RWDD1: variants seen among roughly 807,000 people sequenced by gnomAD.
RWDD1 encodes RWD domain containing 1.
Under a neutral mutation model 31.6 loss-of-function variants are expected in RWDD1, and 17 were observed. The ratio of observed to expected loss-of-function variants is 0.54; its 90% CI spans 0.37 to 0.81. The LOEUF is 0.81. RWDD1 is among the 30% of genes least tolerant of loss of function. RWDD1 has a pLI of 0.00. For synonymous variants in RWDD1, 78 were observed against 94.2 expected, an observed-to-expected ratio of 0.83 and a Z score of 0.99; for missense variants, 204 against 274.5, an observed-to-expected ratio of 0.74 and a Z score of 1.82.
intron 3 of RWDD1, among the ~76,000 whole-genome samples, chr6:116,587,325 G>A (rs1263844298): frequency 3.3e-5 from 5 of 152,138 alleles, no homozygotes; most frequent in Admixed American, 3.3e-4. Flanking sequence ...GCTGAGAGCT[G>A]TAGGAAGAGT....
At chr6:116,591,937 A>G (rs1775152028) in intron 6 of RWDD1, among the ~76,000 whole-genome samples, 1 of 152,192 alleles carries the variant, frequency 6.6e-6, no homozygotes, top group Non-Finnish European at 1.5e-5. Flanking sequence ...AAAGTTTTTG[A>G]TACCTTTTCC....
intron 3 of RWDD1, among the ~76,000 whole-genome samples, chr6:116,588,231 A>G (rs1562379501): frequency 6.6e-6 from 1 of 152,178 alleles, no homozygotes; most frequent in Non-Finnish European, 1.5e-5. Flanking sequence ...ATGCCTAGTA[A>G]TCTCTGCTTC....
At chr6:116,574,709 CTTTT>C (rs1774806000) in intron 1 of RWDD1, among the ~76,000 whole-genome samples, 1 of 150,244 alleles carries the variant, frequency 6.7e-6, no homozygotes, top group African/African-American at 2.5e-5. Flanking sequence ...TTCTTTCTTT[CTTTT>C]TTTCTTTCTC....
chr6:116,575,669 T>C (rs866282997), intron 1 of RWDD1, among the ~76,000 whole-genome samples: 19 of 152,228 alleles, frequency 1.2e-4, no homozygotes, highest in Admixed American at 2.6e-4. Flanking sequence ...AACATTGGTT[T>C]TTAAAAAGGT....
At position 116,593,219 on chromosome 6, in the gene RWDD1, TC is replaced by T; in HGVS notation, c.*119del. 3 of 972,370 alleles carry T rather than the reference TC, an allele frequency of 3.1e-6. No homozygotes were observed. Among genetic ancestry groups the T allele is most frequent in the Non-Finnish European group, 4.3e-6 (3 of 695,194 alleles). 60.2% of individuals were successfully genotyped at this position (972,370 alleles called of 1,614,324 possible). ...AAAATTATTTTCAGGAGAATATTCTTCTGATAGCTTTCATCATTGAACTTAA... is the reference window on the plus strand; with the variant it reads ...AAAATTATTTTCAGGAGAATATTCTTTGATAGCTTTCATCATTGAACTTAA... On this transcript the variant is annotated 3_prime_UTR_variant, in exon 7 of 7. Transcript: ENST00000466444.
rs1483345803 is a variant in RWDD1, at chr6:116,593,675, G to A, written c.*574G>A. 1.3e-5 allele frequency: 2 copies of A among 152,424 alleles called. No homozygotes were observed. The highest frequency in any genetic ancestry group is 4.8e-5 in the African/African-American group (2 of 41,470). The allele number at this position is 152,424 out of a possible 1,614,324, so 9.4% of individuals were successfully genotyped here. A position where few individuals can be genotyped will look rare whatever the true frequency, so the allele number is the denominator to read the frequency against. The stretch of plus-strand genomic sequence containing the variant: ...ATTTATAAAAGGTTTGCCGGGTGCG[G>A]TGGCTCACGCCTGTAATCCCAGCAC... On this transcript the variant is annotated 3_prime_UTR_variant, in exon 7 of 7. Transcript: ENST00000466444.
At chr6:116,583,461 T>C (rs1774982576) in intron 2 of RWDD1, among the ~76,000 whole-genome samples, 1 of 152,128 alleles carries the variant, frequency 6.6e-6, no homozygotes, top group Admixed American at 6.5e-5. Context: ...GTGACTATAA[T>C]TAATTATAGA....
intron 3 of RWDD1, among the ~76,000 whole-genome samples, chr6:116,585,225 C>T (rs57882675): frequency 1.3e-5 from 2 of 151,846 alleles, no homozygotes; most frequent in African/African-American, 4.8e-5. Context: ...AAACTTCTTC[C>T]CTCTCTGACT....
In RWDD1 at chr6:116,573,025, C is replaced by T. The variant is rs144140222; in HGVS notation, c.73+1370C>T. The T allele has an allele frequency of 5.9e-5, 58 of 981,904 alleles. No homozygotes were observed. In the Middle Eastern group the frequency reaches 3.1e-3, roughly 53 times the overall value. The allele number at this position is 981,904 out of a possible 1,614,324, so 60.8% of individuals were successfully genotyped here. A position where few individuals can be genotyped will look rare whatever the true frequency, so the allele number is the denominator to read the frequency against. On this transcript the variant is annotated intron_variant, in intron 1 of 6. Coordinates refer to ENST00000466444, the MANE Select transcript of RWDD1 (RefSeq NM_015952.4). Reference sequence around the variant, plus strand: ...AGTCTGGCTCCCTTCTCTATCCTTGCTTATATGTGTATGTCTAAAATAGAA... The same window carrying T: ...AGTCTGGCTCCCTTCTCTATCCTTGTTTATATGTGTATGTCTAAAATAGAA...
Position 116,590,265 on chromosome 6 carries a change from TCC to T in RWDD1, c.415-6_415-5del. The stretch of plus-strand genomic sequence containing the variant: ...AATCTGGTGACTTTTTTTTTTTATT[TCC>T]TAAGCAATTATTCCATGGTACTCCA... On this transcript the variant is annotated splice_polypyrimidine_tract_variant and splice_region_variant and intron_variant, in intron 4 of 6. Coordinates refer to ENST00000466444, the MANE Select transcript of RWDD1 (RefSeq NM_015952.4). 3 of 1,498,654 alleles carry T rather than the reference TCC, an allele frequency of 2.0e-6. No individual in the cohort carries two copies. Among genetic ancestry groups the T allele is most frequent in the Non-Finnish European group, 2.7e-6 (3 of 1,113,250 alleles). The allele number at this position is 1,498,654 out of a possible 1,614,324, so 92.8% of individuals were successfully genotyped here.
At position 116,577,577 on chromosome 6, in the gene RWDD1, C is replaced by T. The variant is rs1774871693; in HGVS notation, c.74-2718C>T. Among the ~76,000 whole-genome samples, 3 of 149,780 alleles carry T rather than the reference C, an allele frequency of 2.0e-5. 1 individual carries two copies. In the Admixed American group the frequency reaches 2.0e-4, roughly 10 times the overall value. ...TATATCATGTCTGATTTTTTTGTTA[C>T]TACTCATTTTTGTTAGTGGCATCAC... On this transcript the variant is annotated intron_variant, in intron 1 of 6. Transcript: ENST00000466444.
intron 1 of RWDD1, among the ~76,000 whole-genome samples, chr6:116,576,417 A>C (rs1213851707): frequency 6.6e-6 from 1 of 152,112 alleles, no homozygotes; most frequent in African/African-American, 2.4e-5. Flanking sequence ...TGGCCTCTGA[A>C]AATTACTCCT....
At chr6:116,580,710 T>C (rs1774933534) in intron 2 of RWDD1, among the ~76,000 whole-genome samples, 1 of 152,156 alleles carries the variant, frequency 6.6e-6, no homozygotes, top group Non-Finnish European at 1.5e-5. Flanking sequence ...TGAGTGACTA[T>C]TATTTTTTCA....
intron 1 of RWDD1, chr6:116,572,940 T>C: frequency 1.0e-6 from 1 of 985,518 alleles, no homozygotes; most frequent in Non-Finnish European, 1.2e-6. Flanking sequence ...GCTGTGAGGA[T>C]GTTAAGGGGA....
At chr6:116,578,885 C>CT (rs34666862) in intron 1 of RWDD1, among the ~76,000 whole-genome samples, 54,710 of 151,468 alleles carry the variant, frequency 0.36, 10,455 homozygotes, top group African/African-American at 0.49. Flanking sequence ...TTGGGGTTTT[C>CT]TTTTTTTTGA....
At chr6:116,580,074 T>A in intron 1 of RWDD1, 1 of 327,118 alleles carries the variant, frequency 3.1e-6, no homozygotes, top group Non-Finnish European at 5.5e-6. Flanking sequence ...AAGAGGGTTA[T>A]CTACCATAGT....
intron 3 of RWDD1, among the ~76,000 whole-genome samples, chr6:116,587,371 A>C (rs138181580): frequency 4.4e-4 from 67 of 152,302 alleles, no homozygotes; most frequent in African/African-American, 1.6e-3. Flanking sequence ...TTCAGGGTAG[A>C]GGAACCAACT....
At chr6:116,592,472 G>C (rs927061127) in intron 6 of RWDD1, among the ~76,000 whole-genome samples, 5 of 152,170 alleles carry the variant, frequency 3.3e-5, no homozygotes, top group African/African-American at 1.2e-4. Flanking sequence ...GTTTAATGCA[G>C]AGCCTGGGTA....
chr6:116,580,673 CAT>C (rs1338708234), intron 2 of RWDD1, among the ~76,000 whole-genome samples: 1 of 152,038 alleles, frequency 6.6e-6, no homozygotes, highest in African/African-American at 2.4e-5. Context: ...CACGTGCAAA[CAT>C]ATTTCAGTGG....
Sources: allele counts gnomAD v4.1 joint callset (sites outside exome capture counted in the v4.1 genomes callset), GRCh38; gene constraint gnomAD v4.1.1; transcripts MANE v1.5; gene names NCBI Gene and HGNC (gene_info 2026-07-23, HGNC 2026-07-21).